The following TMEM181 variants were observed in gnomAD, a reference collection of about 807,000 sequenced individuals.
TMEM181 encodes the protein G protein-coupled receptor 178.
TMEM181 carries 39 observed loss-of-function variants against 71.9 expected under a neutral mutation model. The observed-to-expected ratio is 0.54, with a 90% CI of 0.42 to 0.71. The LOEUF is 0.71. Ranked by LOEUF, TMEM181 falls within the 30% of genes least tolerant of loss-of-function variation. The pLI, the probability that TMEM181 is intolerant of heterozygous loss-of-function variation, is 0.00. For synonymous variants in TMEM181, 245 were observed against 228.8 expected (o/e 1.07, Z -0.64); for missense variants, 595 against 583.0 (o/e 1.02, Z -0.21).
intron 1 of TMEM181, among the ~76,000 whole-genome samples, chr6:158,543,533 T>G (rs555403400): frequency 1.6e-3 from 240 of 152,372 alleles, no homozygotes; most frequent in Non-Finnish European, 3.0e-3. Flanking sequence ...ATCCAGGTGT[T>G]GGCAGAGTTG....
chr6:158,610,729 A>C, intron 10 of TMEM181: 1 of 296,942 alleles, frequency 3.4e-6, no homozygotes, highest in Non-Finnish European at 6.4e-6. Flanking sequence ...TGGGGGAAGA[A>C]TCACTCAGGC....
intron 6 of TMEM181, among the ~76,000 whole-genome samples, chr6:158,597,149 C>G (rs1784426411): frequency 6.6e-6 from 1 of 152,164 alleles, no homozygotes; most frequent in African/African-American, 2.4e-5. Flanking sequence ...TTGATGCCGT[C>G]TCCCTTTAAC....
intron 3 of TMEM181, among the ~76,000 whole-genome samples, chr6:158,583,051 G>T (rs1435369367): frequency 2.0e-5 from 3 of 151,916 alleles, no homozygotes; most frequent in Non-Finnish European, 4.4e-5. Context: ...TGGCCAACAC[G>T]GTGAAACTCC....
chr6:158,632,004 T>C lies in TMEM181; in HGVS notation c.*116T>C, dbSNP rs2128334333. On this transcript the variant is annotated 3_prime_UTR_variant, in exon 17 of 17. Coordinates refer to ENST00000684151, the MANE Select transcript of TMEM181 (RefSeq NM_001376852.1). ...TTACAAGCAGAGATTTCCTGTTCAT[T>C]TGTTTACATATTTTTTTAAAGGAAA... is the stretch of plus-strand genomic sequence containing the variant. 1.9e-6 allele frequency: 2 copies of C among 1,055,958 alleles called. No individual in the cohort carries two copies. The highest frequency in any genetic ancestry group is 5.3e-5 in the East Asian group (2 of 37,756). 65.4% of individuals were successfully genotyped at this position (1,055,958 alleles called of 1,614,324 possible).
intron 1 of TMEM181, among the ~76,000 whole-genome samples, chr6:158,560,607 G>A (rs1321581206): frequency 6.6e-6 from 1 of 152,128 alleles, no homozygotes; most frequent in Non-Finnish European, 1.5e-5. Context: ...CTCCCGGGCA[G>A]CCTCTCCTGC....
At chr6:158,571,295 C>T (rs1782805226) in intron 1 of TMEM181, among the ~76,000 whole-genome samples, 1 of 148,920 alleles carries the variant, frequency 6.7e-6, no homozygotes, top group African/African-American at 2.5e-5. Flanking sequence ...GACGGGGTTT[C>T]ACCGTGTTAG....
At position 158,585,494 on chromosome 6, in the gene TMEM181, T is replaced by A. The variant is rs755259470; in HGVS notation, c.381+69T>A. On this transcript the variant is annotated intron_variant, in intron 5 of 16. Coordinates refer to ENST00000684151, the MANE Select transcript of TMEM181 (RefSeq NM_001376852.1). ...TACACGTTTAATTACAGAGCCACTT[T>A]CCAGTCTAAAAGATAGCATGGTAAG... 4 of 1,363,012 alleles carry A rather than the reference T, an allele frequency of 2.9e-6. No individual in the cohort carries two copies. The Admixed American group carries it at 1.2e-4, about 39-fold the overall frequency. 84.4% of individuals were successfully genotyped at this position (1,363,012 alleles called of 1,614,324 possible).
rs182039718 is a variant in TMEM181, at chr6:158,571,146, A to G, written c.9-2274A>G. On this transcript the variant is annotated intron_variant, in intron 1 of 16. Coordinates refer to ENST00000684151, the MANE Select transcript of TMEM181 (RefSeq NM_001376852.1). ...GAGTCTCGTTCTGTTGCCCAGGCTG[A>G]AGTGCAGTGGTGCCATCTTGGCTCA... 9.4e-3 allele frequency among the ~76,000 whole-genome samples: 1,435 copies of G among 152,010 alleles called. 32 individuals are homozygous for G. The highest frequency in any genetic ancestry group is 0.032 in the African/African-American group (1,316 of 41,482).
intron 13 of TMEM181, chr6:158,626,683 G>T (rs1786294193): frequency 4.4e-6 from 2 of 457,324 alleles, no homozygotes; most frequent in Non-Finnish European, 8.8e-6. Context: ...CATGTGTGTT[G>T]TATTAGTCTC....
At chr6:158,607,846 A>G (rs1478394755) in intron 8 of TMEM181, among the ~76,000 whole-genome samples, 1 of 152,216 alleles carries the variant, frequency 6.6e-6, no homozygotes, top group African/African-American at 2.4e-5. Context: ...GCTGTTCGGT[A>G]GTTAAAACTT....
At chr6:158,622,749 C>G (rs1350705814) in intron 10 of TMEM181, among the ~76,000 whole-genome samples, 3 of 152,200 alleles carry the variant, frequency 2.0e-5, no homozygotes, top group Non-Finnish European at 4.4e-5. Context: ...GGAGAATCCA[C>G]AATTCTACTG....
At chr6:158,615,095 C>T (rs148330234) in intron 10 of TMEM181, among the ~76,000 whole-genome samples, 1 of 152,194 alleles carries the variant, frequency 6.6e-6, no homozygotes, top group Non-Finnish European at 1.5e-5. Flanking sequence ...CTAGTTTACA[C>T]TCCCACCAAC....
At chr6:158,597,726 G>A (rs1164541600) in intron 6 of TMEM181, among the ~76,000 whole-genome samples, 1 of 151,944 alleles carries the variant, frequency 6.6e-6, no homozygotes, top group Admixed American at 6.6e-5. Context: ...GCCCAGGCTT[G>A]AACTCCTGGG....
At chr6:158,567,336 C>T (rs1458041901) in intron 1 of TMEM181, among the ~76,000 whole-genome samples, 1 of 152,250 alleles carries the variant, frequency 6.6e-6, no homozygotes, top group Non-Finnish European at 1.5e-5. Context: ...TGCCTAGCAT[C>T]TCTCCACCAA....
intron 1 of TMEM181, among the ~76,000 whole-genome samples, chr6:158,541,333 C>G (rs1313940019): frequency 1.3e-5 from 2 of 152,164 alleles, no homozygotes; most frequent in Non-Finnish European, 2.9e-5. Flanking sequence ...AGGAGAATCG[C>G]TTGAACCAGG....
chr6:158,583,766 C>T (rs1389088342), intron 3 of TMEM181, among the ~76,000 whole-genome samples, 188 bp from the exon 4 acceptor site: 3 of 152,148 alleles, frequency 2.0e-5, no homozygotes, highest in Non-Finnish European at 4.4e-5. Context: ...CGCCACTGCA[C>T]TCTAGCCTAG....
At position 158,630,441 on chromosome 6, in the gene TMEM181, G is replaced by A. The variant is rs547283261; in HGVS notation, c.1282+622G>A. 1.3e-3 allele frequency among the ~76,000 whole-genome samples: 204 copies of A among 152,154 alleles called. 1 individual carries two copies. The highest frequency in any genetic ancestry group is 4.7e-3 in the African/African-American group (197 of 41,494). On this transcript the variant is annotated intron_variant, in intron 15 of 16. Transcript: ENST00000684151. ...AGCCCAAGAGGAGAGGCTGCAGTGA[G>A]CTATGACACCACTACACTCCAACCT...
intron 10 of TMEM181, chr6:158,609,968 G>A (rs777942021): frequency 2.7e-5 from 6 of 225,146 alleles, no homozygotes; most frequent in Non-Finnish European, 4.8e-5. Flanking sequence ...GCCCACCGAC[G>A]TTGGGAAAGT....
chr6:158,602,110 G>A (rs1784701841), intron 6 of TMEM181, among the ~76,000 whole-genome samples: 1 of 152,156 alleles, frequency 6.6e-6, no homozygotes, highest in African/African-American at 2.4e-5. Flanking sequence ...TCCCTGGGAA[G>A]TCACTGATCT....
Sources: allele counts gnomAD v4.1 joint callset (sites outside exome capture counted in the v4.1 genomes callset), GRCh38; gene constraint gnomAD v4.1.1; transcripts MANE v1.5; gene names NCBI Gene and HGNC (gene_info 2026-07-23, HGNC 2026-07-21).